Variants in ZNRF1 observed in about 807,000 individuals in gnomAD.
ZNRF1 encodes E3 ubiquitin-protein ligase ZNRF1.
In ZNRF1, 3 loss-of-function variants were observed where a neutral mutation model predicts 18.4. That is an observed-to-expected ratio of 0.16 (90% confidence interval 0.07 to 0.42). ZNRF1 has a LOEUF of 0.42. Ranked by LOEUF, ZNRF1 falls within the 10% of genes least tolerant of loss-of-function variation. ZNRF1 has a pLI of 0.99. For missense variants in ZNRF1, 310 were observed against 329.8 expected (o/e 0.94, Z 0.47); for synonymous variants, 157 against 144.2 (o/e 1.09, Z -0.64).
chr16:75,019,827 C>T (rs906375387), intron 1 of ZNRF1, among the ~76,000 whole-genome samples: 8 of 152,058 alleles, frequency 5.3e-5, no homozygotes, highest in Non-Finnish European at 8.8e-5. Flanking sequence ...TGGACTCAAG[C>T]GATCCTCCTG....
chr16:75,076,281 C>G (rs928776894), intron 1 of ZNRF1, among the ~76,000 whole-genome samples: 7 of 152,146 alleles, frequency 4.6e-5, no homozygotes, highest in Admixed American at 2.0e-4. Flanking sequence ...CTTTTGACAT[C>G]TAACTCTATG....
At chr16:75,094,221 A>T (rs1234199484) in intron 2 of ZNRF1, among the ~76,000 whole-genome samples, 1 of 152,146 alleles carries the variant, frequency 6.6e-6, no homozygotes, top group Admixed American at 6.5e-5. Context: ...TGACATAGAG[A>T]CGCTCTGGGG....
At chr16:75,102,404 C>T (rs1453546711) in intron 2 of ZNRF1, among the ~76,000 whole-genome samples, 1 of 152,108 alleles carries the variant, frequency 6.6e-6, no homozygotes, top group Non-Finnish European at 1.5e-5. Flanking sequence ...TGGTGATGCT[C>T]AAAGGAAGAC....
intron 1 of ZNRF1, chr16:75,002,232 T>C (rs1354256037): frequency 6.6e-6 from 1 of 152,266 alleles, no homozygotes; most frequent in African/African-American, 2.4e-5. Flanking sequence ...TTCCTGTGCA[T>C]TTCATTTGAG....
At chr16:75,018,230 A>G (rs1358786874) in intron 1 of ZNRF1, among the ~76,000 whole-genome samples, 1 of 152,136 alleles carries the variant, frequency 6.6e-6, no homozygotes, top group Non-Finnish European at 1.5e-5. Flanking sequence ...AGGATACCCT[A>G]TAGTTTTGGT....
chr16:75,087,305 G>A (rs1004824709), intron 1 of ZNRF1, among the ~76,000 whole-genome samples: 2 of 152,194 alleles, frequency 1.3e-5, no homozygotes, highest in African/African-American at 4.8e-5. Flanking sequence ...CCCTGATGTT[G>A]TGAGTGTCCC....
At chr16:75,043,174 A>G (rs1435273330) in intron 1 of ZNRF1, among the ~76,000 whole-genome samples, 5 of 152,158 alleles carry the variant, frequency 3.3e-5, no homozygotes, top group East Asian at 1.9e-4. Context: ...ATTTATACCA[A>G]TGAGTTTCTA....
chr16:75,066,264 A>T (rs941680612), intron 1 of ZNRF1, among the ~76,000 whole-genome samples: 1 of 152,226 alleles, frequency 6.6e-6, no homozygotes, highest in Non-Finnish European at 1.5e-5. Context: ...CTAATAGTGT[A>T]TTGAGGACAT....
At chr16:75,068,219 C>G (rs566764366) in intron 1 of ZNRF1, among the ~76,000 whole-genome samples, 1 of 143,180 alleles carries the variant, frequency 7.0e-6, no homozygotes, top group South Asian at 2.3e-4. Context: ...AAAAAATTAG[C>G]TGGGCATGAT....
chr16:75,095,611 A>T (rs2036188843), intron 2 of ZNRF1: 4 of 1,547,154 alleles, frequency 2.6e-6, no homozygotes, highest in Non-Finnish European at 3.5e-6. Context: ...GAATACAAAG[A>T]AGCCTCAGAG....
At chr16:75,037,587 C>G (rs992842835) in intron 1 of ZNRF1, among the ~76,000 whole-genome samples, 1 of 152,126 alleles carries the variant, frequency 6.6e-6, no homozygotes, top group Non-Finnish European at 1.5e-5. Context: ...GATCTGCCAC[C>G]TAGGCCTCCC....
rs190631227 is a variant in ZNRF1, at chr16:75,099,796, C to T, written c.521-4988C>T. On this transcript the variant is annotated intron_variant, in intron 2 of 4. Transcript: ENST00000335325. ...GGCCCCCGCCATGGCTTTTCTCTGA[C>T]GGCAGGCAGCAGGTTCGTGTCAGAT... Among the ~76,000 whole-genome samples, 156 of 152,302 alleles carry T rather than the reference C, an allele frequency of 1.0e-3. 2 individuals carry two copies. The highest frequency in any genetic ancestry group is 3.6e-3 in the African/African-American group (150 of 41,558).
intron 1 of ZNRF1, among the ~76,000 whole-genome samples, chr16:75,082,743 A>G (rs1221371630): frequency 2.0e-5 from 3 of 152,136 alleles, no homozygotes; most frequent in Non-Finnish European, 4.4e-5. Flanking sequence ...TGGTAGAGAC[A>G]GGGTTTCACC....
intron 1 of ZNRF1, among the ~76,000 whole-genome samples, chr16:75,027,427 G>A (rs531550664): frequency 9.2e-5 from 14 of 152,150 alleles, no homozygotes; most frequent in Non-Finnish European, 2.1e-4. Context: ...TTTGTAAAAT[G>A]GTGGAGTAGA....
rs140262385 is a variant in ZNRF1 at position 75,006,283 on chromosome 16, A to C, written c.424+6188A>C. ...AGCTTCAAAATTAGAAAAACTTCATAGGGAAGTGGTGGTAACTTAAATGGG... is the reference window on the plus strand; with the variant it reads ...AGCTTCAAAATTAGAAAAACTTCATCGGGAAGTGGTGGTAACTTAAATGGG... On this transcript the variant is annotated intron_variant, in intron 1 of 4. Transcript: ENST00000335325. 4.3e-3 allele frequency among the ~76,000 whole-genome samples: 660 copies of C among 152,320 alleles called. 2 individuals carry two copies. The highest frequency in any genetic ancestry group is 5.6e-3 in the Non-Finnish European group (382 of 68,026).
chr16:75,096,146 T>G (rs1249360821), intron 2 of ZNRF1, among the ~76,000 whole-genome samples: 1 of 149,372 alleles, frequency 6.7e-6, no homozygotes, highest in Non-Finnish European at 1.5e-5. Flanking sequence ...CAAAAGCCAG[T>G]CCTTTACCAC....
intron 1 of ZNRF1, among the ~76,000 whole-genome samples, chr16:75,038,354 T>G (rs1278014829): frequency 6.6e-6 from 1 of 152,206 alleles, no homozygotes. Context: ...TCGCTGTGGC[T>G]GTCTCCCTAG....
At chr16:75,031,842 T>C (rs2145350634) in intron 1 of ZNRF1, among the ~76,000 whole-genome samples, 1 of 151,928 alleles carries the variant, frequency 6.6e-6, no homozygotes, top group East Asian at 1.9e-4. Context: ...AGTTCTACTG[T>C]GTCGAGTCAA....
chr16:75,030,833 C>CTTT (rs59468839), intron 1 of ZNRF1, among the ~76,000 whole-genome samples: 70 of 91,420 alleles, frequency 7.7e-4, no homozygotes, highest in Non-Finnish European at 8.4e-4. Flanking sequence ...CACTTTATTC[C>CTTT]TTTTTTTTTT....
Sources: gnomAD v4.1 joint callset for allele counts (sites outside exome capture counted in the v4.1 genomes callset) on GRCh38, gnomAD v4.1.1 for gene constraint, MANE v1.5 for transcripts, NCBI Gene and HGNC (gene_info 2026-07-23, HGNC 2026-07-21) for gene names.